UAP1: variants seen among roughly 807,000 people sequenced by gnomAD.
The protein encoded by UAP1 is UDP-N-acetylglucosamine pyrophosphorylase 1.
Under a neutral mutation model 58.5 loss-of-function variants are expected in UAP1, and 25 were observed. The observed-to-expected ratio is 0.43, with a 90% CI of 0.31 to 0.60. The LOEUF (loss-of-function observed/expected upper bound fraction) is 0.60, where lower values mean the gene tolerates loss of function less well. Ranked by LOEUF, UAP1 falls within the 20% of genes least tolerant of loss-of-function variation. The pLI, the probability that UAP1 is intolerant of heterozygous loss-of-function variation, is 0.11. For synonymous variants in UAP1, 208 were observed against 213.0 expected, an observed-to-expected ratio of 0.98 and a Z score of 0.21; for missense variants, 575 against 630.0, an observed-to-expected ratio of 0.91 and a Z score of 0.93.
chr1:162,590,214 T>C (rs1036404675), intron 7 of UAP1, 109 bp from the exon 8 acceptor site: 9 of 806,148 alleles, frequency 1.1e-5, no homozygotes, highest in African/African-American at 3.5e-5. Flanking sequence ...ATCATTCAGA[T>C]TGGAATAGGA....
At chr1:162,576,593 C>T (rs1299316251) in intron 2 of UAP1, among the ~76,000 whole-genome samples, 184 bp from the exon 3 acceptor site, 1 of 152,174 alleles carries the variant, frequency 6.6e-6, no homozygotes, top group Non-Finnish European at 1.5e-5. Flanking sequence ...AAGCAGCAAG[C>T]AGGCTTTGGT....
chr1:162,587,150 A>G (rs1654946545), intron 5 of UAP1, among the ~76,000 whole-genome samples: 3 of 152,150 alleles, frequency 2.0e-5, no homozygotes, highest in Admixed American at 2.0e-4. Context: ...AAAGTACAAG[A>G]TACATGGGGG....
At chr1:162,597,638 G>T in intron 9 of UAP1, 154 bp from the exon 10 acceptor site, 1 of 580,090 alleles carries the variant, frequency 1.7e-6, no homozygotes. Context: ...TAATCCTCAG[G>T]GAATTTAGTG....
At chr1:162,578,606 C>T (rs1654359237) in intron 3 of UAP1, among the ~76,000 whole-genome samples, 1 of 152,190 alleles carries the variant, frequency 6.6e-6, no homozygotes, top group African/African-American at 2.4e-5. Flanking sequence ...TCCATCTCTT[C>T]ACAACTCAAT....
intron 3 of UAP1, among the ~76,000 whole-genome samples, chr1:162,578,615 A>G (rs1276790427): frequency 2.6e-5 from 4 of 152,026 alleles, no homozygotes; most frequent in African/African-American, 7.2e-5. Flanking sequence ...TCACAACTCA[A>G]TTTCTGTTCT....
At chr1:162,572,177 C>T (rs778345120) in intron 2 of UAP1, among the ~76,000 whole-genome samples, 4 of 152,060 alleles carry the variant, frequency 2.6e-5, no homozygotes, top group South Asian at 2.1e-4. Context: ...TTATCAGGTT[C>T]GGAGATGGAA....
chr1:162,577,843 C>T (rs1654301372), intron 3 of UAP1, among the ~76,000 whole-genome samples: 2 of 152,138 alleles, frequency 1.3e-5, no homozygotes, highest in East Asian at 1.9e-4. Context: ...AACTCCTGAC[C>T]TTGTGATCTG....
rs138989944 is a variant in UAP1, at chr1:162,587,082, G to T, written c.835-393G>T. Among the ~76,000 whole-genome samples the T allele has an allele frequency of 2.7e-3, 418 of 152,156 alleles. 1 individual carries two copies. Among genetic ancestry groups the T allele is most frequent in the African/African-American group, 9.4e-3 (390 of 41,518 alleles). On this transcript the variant is annotated intron_variant, in intron 5 of 10. Transcript: ENST00000271469. Reference sequence around the variant, plus strand: ...GGTCTTTTGTCTTGTGAATCCCAGAGAAATTTCATTTTATTTATTATGAAA... The same window carrying T: ...GGTCTTTTGTCTTGTGAATCCCAGATAAATTTCATTTTATTTATTATGAAA...
At chr1:162,591,957 T>C (rs1655341741) in intron 8 of UAP1, among the ~76,000 whole-genome samples, 1 of 152,208 alleles carries the variant, frequency 6.6e-6, no homozygotes, top group South Asian at 2.1e-4. Context: ...GCCTAAATCT[T>C]GTATTTTATG....
chr1:162,582,505 C>G (rs769650622), intron 5 of UAP1, among the ~76,000 whole-genome samples: 1 of 152,150 alleles, frequency 6.6e-6, no homozygotes, highest in Non-Finnish European at 1.5e-5. Flanking sequence ...GGCATTTTGA[C>G]TCAGTGGAGG....
chr1:162,587,905 C>T, intron 6 of UAP1: 1 of 398,316 alleles, frequency 2.5e-6, no homozygotes, highest in Non-Finnish European at 4.5e-6. Context: ...AGCATTTCTC[C>T]CTTCTCACCC....
intron 10 of UAP1, 133 bp from the exon 11 acceptor site, chr1:162,599,138 T>C (rs909089711): frequency 7.4e-6 from 4 of 541,328 alleles, no homozygotes; most frequent in African/African-American, 5.8e-5. Context: ...GTCTATTAAA[T>C]AGATTTTGAC....
At chr1:162,564,610 C>G (rs1485142235) in intron 1 of UAP1, among the ~76,000 whole-genome samples, 2 of 152,188 alleles carry the variant, frequency 1.3e-5, no homozygotes, top group Non-Finnish European at 2.9e-5. Flanking sequence ...TTTCCTGCTT[C>G]TAGTTGTCCC....
chr1:162,567,760 A>G (rs779011034), intron 2 of UAP1, among the ~76,000 whole-genome samples: 11 of 152,172 alleles, frequency 7.2e-5, no homozygotes, highest in Non-Finnish European at 1.6e-4. Context: ...ATTTGCTCAC[A>G]TTACCACCCA....
intron 2 of UAP1, among the ~76,000 whole-genome samples, chr1:162,573,129 T>C (rs1653969048): frequency 1.3e-5 from 2 of 152,206 alleles, no homozygotes; most frequent in South Asian, 2.1e-4. Flanking sequence ...GTTTTTGTTA[T>C]ATAGTGGTTT....
chr1:162,583,889 T>C (rs1325239202), intron 5 of UAP1, among the ~76,000 whole-genome samples: 1 of 150,266 alleles, frequency 6.7e-6, no homozygotes, highest in African/African-American at 2.4e-5. Context: ...ATCTACCTGC[T>C]TTGGCCTCCC....
At chr1:162,570,149 A>C (rs1217995518) in intron 2 of UAP1, among the ~76,000 whole-genome samples, 1 of 108,536 alleles carries the variant, frequency 9.2e-6, no homozygotes, top group African/African-American at 3.0e-5. Flanking sequence ...ACTCCGTCTC[A>C]AAAAAAAAAA....
chr1:162,566,019 G>A (rs753244190), exon 2 of UAP1: 3 of 1,565,034 alleles, frequency 1.9e-6, no homozygotes, highest in East Asian at 4.5e-5. Flanking sequence ...TAGGTTTACA[G>A]GTACATACAT....
chr1:162,565,287 T>G (rs905800826), intron 1 of UAP1, among the ~76,000 whole-genome samples: 3 of 152,198 alleles, frequency 2.0e-5, no homozygotes, highest in African/African-American at 7.2e-5. Context: ...ATTTTCTTAT[T>G]TTTTAGCACT....
Sources: gnomAD v4.1 joint callset for allele counts (sites outside exome capture counted in the v4.1 genomes callset) on GRCh38, gnomAD v4.1.1 for gene constraint, MANE v1.5 for transcripts, NCBI Gene and HGNC (gene_info 2026-07-23, HGNC 2026-07-21) for gene names.